CSMD1: variants seen among roughly 807,000 people sequenced by gnomAD.
CSMD1 encodes the protein CUB and Sushi multiple domains 1.
Under a neutral mutation model 417.5 loss-of-function variants are expected in CSMD1, and 213 were observed. That is an observed-to-expected ratio of 0.51 (90% CI 0.46 to 0.57). CSMD1 has a LOEUF of 0.57. Ranked by LOEUF, CSMD1 falls within the 20% of genes least tolerant of loss-of-function variation. The pLI is 0.00. For synonymous variants in CSMD1, 2,862 were observed against 1,736.8 expected (o/e 1.65, Z -16.11); for missense variants, 6,923 against 4,529.7 (o/e 1.53, Z -15.17).
intron 1 of CSMD1, among the ~76,000 whole-genome samples, chr8:4,653,587 TG>T (rs1804044400): frequency 6.6e-6 from 1 of 152,092 alleles, no homozygotes. Flanking sequence ...ATTTATGACA[TG>T]CATTAAAATA....
intron 25 of CSMD1, among the ~76,000 whole-genome samples, chr8:3,286,350 G>T (rs1274520703): frequency 6.6e-6 from 1 of 152,092 alleles, no homozygotes; most frequent in East Asian, 1.9e-4. Flanking sequence ...CCAGTAATGG[G>T]ATGGCTGGGT....
chr8:4,941,081 A>T (rs1036551025), intron 1 of CSMD1, among the ~76,000 whole-genome samples: 3 of 152,214 alleles, frequency 2.0e-5, no homozygotes, highest in Admixed American at 1.3e-4. Flanking sequence ...ACCATCTCAA[A>T]CATAATTATA....
intron 3 of CSMD1, among the ~76,000 whole-genome samples, chr8:4,089,670 A>G (rs1800611022): frequency 6.6e-6 from 1 of 152,212 alleles, no homozygotes; most frequent in Non-Finnish European, 1.5e-5. Flanking sequence ...GGGCTTAGTA[A>G]AGTGCTTAAC....
intron 48 of CSMD1, among the ~76,000 whole-genome samples, chr8:3,088,278 C>T (rs897438283): frequency 6.6e-6 from 1 of 152,198 alleles, no homozygotes; most frequent in Admixed American, 6.5e-5. Context: ...GTCACTACTG[C>T]ATAAGGCGAG....
At chr8:4,098,893 A>C (rs1801160099) in intron 3 of CSMD1, among the ~76,000 whole-genome samples, 1 of 152,210 alleles carries the variant, frequency 6.6e-6, no homozygotes, top group Admixed American at 6.6e-5. Flanking sequence ...ACTGAGGACC[A>C]ACTGTGGGTT....
intron 1 of CSMD1, among the ~76,000 whole-genome samples, chr8:4,991,082 T>C (rs776075793): frequency 1.1e-4 from 16 of 152,144 alleles, no homozygotes; most frequent in Non-Finnish European, 1.9e-4. Flanking sequence ...TGTCTGCAAA[T>C]ACCTGCATTC....
chr8:3,948,872 G>C (rs1007460144), intron 5 of CSMD1, among the ~76,000 whole-genome samples: 3 of 151,696 alleles, frequency 2.0e-5, no homozygotes, highest in Non-Finnish European at 2.9e-5. Flanking sequence ...TCATTATTCA[G>C]AAACTAACAA....
chr8:4,876,720 A>T (rs1029805002), intron 1 of CSMD1, among the ~76,000 whole-genome samples: 1 of 152,088 alleles, frequency 6.6e-6, no homozygotes, highest in East Asian at 1.9e-4. Flanking sequence ...AGACAATATC[A>T]TGACCTCTTT....
chr8:3,602,561 G>A (rs945350182), intron 8 of CSMD1, among the ~76,000 whole-genome samples: 1 of 152,080 alleles, frequency 6.6e-6, no homozygotes, highest in African/African-American at 2.4e-5. Context: ...AAAGGTTGTT[G>A]ACACTCCTGA....
intron 3 of CSMD1, among the ~76,000 whole-genome samples, chr8:4,062,846 C>A (rs1799049637): frequency 6.6e-6 from 1 of 151,410 alleles, no homozygotes; most frequent in Non-Finnish European, 1.5e-5. Context: ...CAAAACCCTA[C>A]CAGCCAAGAG....
intron 5 of CSMD1, among the ~76,000 whole-genome samples, chr8:3,923,777 T>C (rs1231934015): frequency 2.0e-5 from 3 of 152,210 alleles, no homozygotes; most frequent in Non-Finnish European, 4.4e-5. Context: ...TTTTCACCTT[T>C]TCACCAAGCT....
chr8:3,651,250 G>C (rs924267375), intron 7 of CSMD1, among the ~76,000 whole-genome samples: 8 of 152,148 alleles, frequency 5.3e-5, no homozygotes, highest in African/African-American at 1.9e-4. Context: ...TCACCCCTTT[G>C]GTTGAAACAC....
At chr8:4,764,895 CAACAACAACA>C (rs1812353194) in intron 1 of CSMD1, among the ~76,000 whole-genome samples, 4 of 30,564 alleles carry the variant, frequency 1.3e-4, no homozygotes, top group Admixed American at 5.0e-4. Flanking sequence ...AAAAAAAAAA[CAACAACAACA>C]AAAAAAAACC....
intron 1 of CSMD1, among the ~76,000 whole-genome samples, chr8:4,834,822 T>C (rs1316953687): frequency 6.7e-6 from 1 of 149,976 alleles, no homozygotes; most frequent in Non-Finnish European, 1.5e-5. Context: ...CCGGGCGTGG[T>C]GGTGGGCGCC....
intron 26 of CSMD1, among the ~76,000 whole-genome samples, chr8:3,235,457 G>A (rs1357996586): frequency 6.6e-6 from 1 of 152,174 alleles, no homozygotes. Context: ...TTTTCTGGGA[G>A]TTAATAGGAT....
intron 7 of CSMD1, among the ~76,000 whole-genome samples, chr8:3,641,005 A>G (rs926586739): frequency 1.1e-5 from 1 of 94,396 alleles, no homozygotes; most frequent in African/African-American, 3.8e-5. Flanking sequence ...TAAATCCTCT[A>G]TTTTGTGTTC....
At chr8:4,231,475 G>A (rs1236693965) in intron 3 of CSMD1, among the ~76,000 whole-genome samples, 1 of 152,082 alleles carries the variant, frequency 6.6e-6, no homozygotes, top group African/African-American at 2.4e-5. Context: ...ACTCTCTCAG[G>A]GCCAGCTCTC....
At chr8:4,646,896 C>A (rs1803552820) in intron 1 of CSMD1, among the ~76,000 whole-genome samples, 2 of 152,094 alleles carry the variant, frequency 1.3e-5, no homozygotes, top group African/African-American at 4.8e-5. Flanking sequence ...AAATTATGAG[C>A]AGATTTTTTT....
chr8:3,838,662 T>G (rs541824517), intron 5 of CSMD1, among the ~76,000 whole-genome samples: 1 of 115,344 alleles, frequency 8.7e-6, no homozygotes, highest in Admixed American at 1.1e-4. Flanking sequence ...GTATAATATA[T>G]AATAAATTAA....
Sources: gnomAD v4.1 joint callset for allele counts (sites outside exome capture counted in the v4.1 genomes callset) on GRCh38, gnomAD v4.1.1 for gene constraint, MANE v1.5 for transcripts, NCBI Gene and HGNC (gene_info 2026-07-23, HGNC 2026-07-21) for gene names.